The following CPSF4L variants were observed in gnomAD, a reference collection of about 807,000 sequenced individuals.
CPSF4L encodes cleavage and polyadenylation specific factor 4 like.
A neutral mutation model predicts 24.0 loss-of-function variants in CPSF4L; 18 were observed. That is an observed-to-expected ratio of 0.75 (90% CI 0.52 to 1.11). CPSF4L has a LOEUF of 1.11. Among genes scored for constraint, CPSF4L ranks in the 50% least tolerant of loss-of-function variants. CPSF4L has a pLI of 0.00. For synonymous variants in CPSF4L, 72 were observed against 77.2 expected (o/e 0.93, Z 0.35); for missense variants, 211 against 221.8 (o/e 0.95, Z 0.31).
At chr17:73,242,777 G>A in the CPSF4L span, 29 of 696,216 alleles carry the variant, frequency 4.2e-5, no homozygotes, top group Non-Finnish European at 6.1e-5. Flanking sequence ...AAATATGTGC[G>A]TGTAAATCTC....
chr17:73,258,563 A>G (rs997532028), intron 2 of CPSF4L, among the ~76,000 whole-genome samples: 2 of 151,864 alleles, frequency 1.3e-5, no homozygotes, highest in South Asian at 2.1e-4. Context: ...CAGCCTCCCA[A>G]AGTGCTGGGA....
chr17:73,258,157 C>A (rs1008476308), intron 2 of CPSF4L, among the ~76,000 whole-genome samples: 1 of 151,982 alleles, frequency 6.6e-6, no homozygotes, highest in Non-Finnish European at 1.5e-5. Context: ...CTACAGGCGC[C>A]AGCCACCACG....
chr17:73,251,746 G>A (rs1049229376), intron 5 of CPSF4L, among the ~76,000 whole-genome samples: 1 of 152,218 alleles, frequency 6.6e-6, no homozygotes, highest in Admixed American at 6.5e-5. Context: ...CAGGCAGCAG[G>A]CTGGACTTGG....
downstream of CPSF4L, chr17:73,247,118 G>A: frequency 3.7e-6 from 3 of 802,544 alleles, no homozygotes; most frequent in Non-Finnish European, 2.0e-6. Context: ...ACAAAAACAA[G>A]CCCTGCTCAT....
intron 3 of CPSF4L, among the ~76,000 whole-genome samples, chr17:73,255,216 T>C (rs544218257): frequency 1.5e-4 from 23 of 152,148 alleles, no homozygotes; most frequent in Middle Eastern, 3.4e-3. Flanking sequence ...AAAGTACCCC[T>C]AGGCCAGGCA....
At chr17:73,242,827 T>A in the CPSF4L span, 1 of 1,282,352 alleles carries the variant, frequency 7.8e-7, no homozygotes, top group South Asian at 1.3e-5. Context: ...TGGGAAAACT[T>A]GAATGACTCG....
In CPSF4L at chr17:73,259,465, G is replaced by A. The variant is rs552846900; in HGVS notation, c.154+1468C>T. On this transcript the variant is annotated intron_variant, in intron 2 of 5. Transcript: ENST00000344935. ...CAAAGTGCTGGAATTACAAGTGTGA[G>A]CCTACTCCCCCGGCCAAGGTGCTCT... Among the ~76,000 whole-genome samples, 3 of 152,322 alleles carry A rather than the reference G, an allele frequency of 2.0e-5. No homozygotes were observed. In the East Asian group the frequency reaches 5.8e-4, roughly 29 times the overall value.
rs956485333 is a variant in CPSF4L, at chr17:73,248,498, A to C, written c.536T>G (p.Ile179Ser). ...REFKLLPGSK[I>S] ...CCGCTAGGTAAGAAGCAACGCTTAG[A>C]TCTTGCTTCCAGGCAGCAGCTTGAA... The change falls in exon 6 of 6, where the codon ATC (isoleucine) becomes AGC (serine). Residue 179 changes from isoleucine to serine, a missense_variant. Ile to Ser is a moderately radical substitution (Grantham distance 142). Transcript: ENST00000344935. 3.2e-6 allele frequency: 5 copies of C among 1,551,530 alleles called. No individual in the cohort carries two copies. Among genetic ancestry groups the C allele is most frequent in the Non-Finnish European group, 4.4e-6 (5 of 1,146,962 alleles).
upstream of CPSF4L, chr17:73,262,484 G>C (rs556683553): frequency 2.0e-5 from 3 of 152,454 alleles, no homozygotes; most frequent in South Asian, 6.2e-4. Flanking sequence ...CGCCAGCTTG[G>C]CGGGAGGGCG....
intron 5 of CPSF4L, among the ~76,000 whole-genome samples, chr17:73,251,818 G>C (rs2062007077): frequency 6.6e-6 from 1 of 152,254 alleles, no homozygotes; most frequent in African/African-American, 2.4e-5. Flanking sequence ...GGTCTATAGA[G>C]TGTGTGTGTC....
chr17:73,247,379 C>T (rs757570150), downstream of CPSF4L: 2 of 1,604,968 alleles, frequency 1.2e-6, no homozygotes, highest in South Asian at 2.2e-5. Context: ...CGTGACTTCT[C>T]TCTAGTGCCT....
the CPSF4L span, chr17:73,242,247 C>G: frequency 6.3e-7 from 1 of 1,577,816 alleles, no homozygotes; most frequent in Non-Finnish European, 8.6e-7. Context: ...ACCATAGTTT[C>G]TTTGTTGGAA....
At chr17:73,252,868 C>T (rs2062011080) in intron 4 of CPSF4L, 145 bp from the exon 5 acceptor site, 3 of 587,640 alleles carry the variant, frequency 5.1e-6, no homozygotes. Context: ...CTTTCTGTAC[C>T]ACCCTAAAGC....
chr17:73,247,811 A>G (rs2145265557), downstream of CPSF4L: 1 of 160,934 alleles, frequency 6.2e-6, no homozygotes, highest in African/African-American at 2.4e-5. Context: ...CTGAGAATCC[A>G]CAATACAGTA....
chr17:73,261,908 C>T (rs2062048233), upstream of CPSF4L: 4 of 901,660 alleles, frequency 4.4e-6, no homozygotes, highest in Non-Finnish European at 7.0e-6. Flanking sequence ...GGGGCCAGCG[C>T]CCAATGCCTC....
At chr17:73,243,085 T>TGTTG in the CPSF4L span, 1 of 877,196 alleles carries the variant, frequency 1.1e-6, no homozygotes, top group South Asian at 1.5e-5. Flanking sequence ...GAATTTTTTT[T>TGTTG]TTTTTTTTTT....
At chr17:73,259,908 C>T (rs1048115877) in intron 2 of CPSF4L, among the ~76,000 whole-genome samples, 2 of 152,176 alleles carry the variant, frequency 1.3e-5, no homozygotes, top group African/African-American at 4.8e-5. Flanking sequence ...CAGGGAAACC[C>T]TAAAACTGGA....
intron 3 of CPSF4L, among the ~76,000 whole-genome samples, chr17:73,255,026 C>G (rs2062019382): frequency 6.6e-6 from 1 of 152,234 alleles, no homozygotes; most frequent in African/African-American, 2.4e-5. Flanking sequence ...ATCCCACTTT[C>G]ACTTCATTCA....
chr17:73,254,039 G>A lies in CPSF4L; in HGVS notation c.308-13C>T. 1 of 1,545,968 alleles carries A rather than the reference G, an allele frequency of 6.5e-7. No individual in the cohort carries two copies. Among genetic ancestry groups the A allele is most frequent in the South Asian group, 1.2e-5 (1 of 83,944 alleles). On this transcript the variant is annotated splice_polypyrimidine_tract_variant and intron_variant, in intron 3 of 5. Coordinates refer to ENST00000344935, the MANE Select transcript of CPSF4L (RefSeq NM_001129885.1). The stretch of plus-strand genomic sequence containing the variant: ...TTGCTGCAGTCACCTGAAAATCCCA[G>A]CACTCTCTGTAGAAGCAGTTTCTCT...
Sources: gnomAD v4.1 joint callset for allele counts (sites outside exome capture counted in the v4.1 genomes callset) on GRCh38, gnomAD v4.1.1 for gene constraint, MANE v1.5 for transcripts, NCBI Gene and HGNC (gene_info 2026-07-23, HGNC 2026-07-21) for gene names.